The following GABRB3 variants were observed in gnomAD, a reference collection of about 807,000 sequenced individuals.
GABRB3 encodes gamma-aminobutyric acid receptor subunit beta-3.
GABRB3 carries 14 observed loss-of-function variants against 52.1 expected under a neutral mutation model. The ratio of observed to expected loss-of-function variants is 0.27; its 90% CI spans 0.18 to 0.42. The LOEUF (loss-of-function observed/expected upper bound fraction) is 0.42, where lower values mean the gene tolerates loss of function less well. Ranked by LOEUF, GABRB3 falls within the 10% of genes least tolerant of loss-of-function variation. GABRB3 has a pLI of 1.00. For missense variants in GABRB3, 307 were observed against 609.1 expected, an observed-to-expected ratio of 0.50 and a Z score of 5.22; for synonymous variants, 260 against 232.3, an observed-to-expected ratio of 1.12 and a Z score of -1.08.
chr15:26,707,459 C>A (rs1183083361), intron 3 of GABRB3, among the ~76,000 whole-genome samples: 3 of 152,090 alleles, frequency 2.0e-5, no homozygotes, highest in African/African-American at 7.2e-5. Context: ...GATAGAGTCA[C>A]TCAGAGTGAA....
At chr15:26,748,773 C>G (rs562989590) in intron 3 of GABRB3, among the ~76,000 whole-genome samples, 2 of 151,496 alleles carry the variant, frequency 1.3e-5, no homozygotes, top group Non-Finnish European at 2.9e-5. Flanking sequence ...TGCCTGTAAT[C>G]CCAGTACTTT....
Position 26,749,546 on chromosome 15 carries a change from G to A in GABRB3, c.240+22856C>T, listed in dbSNP as rs561267751. On this transcript the variant is annotated intron_variant, in intron 3 of 8. Coordinates refer to ENST00000311550, the MANE Select transcript of GABRB3 (RefSeq NM_000814.6). ...GTCAATCAAATCCTGTTGACTGATG[G>A]TGTCGTTTGGTTCTTCTGTATGTTG... Among the ~76,000 whole-genome samples the A allele has an allele frequency of 2.0e-5, 3 of 152,274 alleles. No individual in the cohort carries two copies. The South Asian group carries it at 6.2e-4, about 32-fold the overall frequency.
At chr15:26,585,869 C>T (rs895975589) in intron 4 of GABRB3, among the ~76,000 whole-genome samples, 3 of 152,196 alleles carry the variant, frequency 2.0e-5, no homozygotes, top group African/African-American at 7.2e-5. Flanking sequence ...GGCAGATTGA[C>T]AACCCAATAA....
intron 8 of GABRB3, among the ~76,000 whole-genome samples, chr15:26,554,207 A>ATATATATATATATATATATATATT (rs1348288306): frequency 3.5e-5 from 2 of 57,808 alleles, no homozygotes; most frequent in South Asian, 6.2e-4. Flanking sequence ...ATATATATAT[A>ATATATATATATATATATATATATT]TAGTAGAAAC....
At chr15:26,650,072 C>G (rs1022385835) in intron 3 of GABRB3, among the ~76,000 whole-genome samples, 2 of 152,100 alleles carry the variant, frequency 1.3e-5, no homozygotes, top group Admixed American at 6.5e-5. Flanking sequence ...CAGCTACCCT[C>G]AGCAGCCCAG....
At chr15:26,587,292 T>C (rs1328461024) in intron 4 of GABRB3, among the ~76,000 whole-genome samples, 2 of 152,202 alleles carry the variant, frequency 1.3e-5, no homozygotes, top group Non-Finnish European at 2.9e-5. Context: ...CTCACTACTT[T>C]TCTTTATTTG....
chr15:26,749,896 G>T, intron 3 of GABRB3: 1 of 152,250 alleles, frequency 6.6e-6, no homozygotes. Context: ...CAAGTCCTGA[G>T]GTTCTCAGGC....
intron 6 of GABRB3, among the ~76,000 whole-genome samples, chr15:26,577,100 T>C (rs1890619947): frequency 6.6e-6 from 1 of 151,892 alleles, no homozygotes; most frequent in Non-Finnish European, 1.5e-5. Context: ...CGGGTACGTG[T>C]GTAATTGGGG....
chr15:26,582,984 A>T (rs1890841891), intron 5 of GABRB3, among the ~76,000 whole-genome samples: 1 of 152,144 alleles, frequency 6.6e-6, no homozygotes, highest in African/African-American at 2.4e-5. Flanking sequence ...ATGGGAAATG[A>T]GTTTTACTCT....
intron 3 of GABRB3, among the ~76,000 whole-genome samples, chr15:26,713,000 C>T (rs946437916): frequency 1.3e-5 from 2 of 152,188 alleles, no homozygotes; most frequent in African/African-American, 4.8e-5. Context: ...AGGTTGCTGG[C>T]CAGAAGCAGC....
chr15:26,554,184 A>ATATATATATATATATACT (rs1889650275), intron 8 of GABRB3, among the ~76,000 whole-genome samples: 1 of 29,548 alleles, frequency 3.4e-5, no homozygotes, highest in Non-Finnish European at 6.2e-5. Flanking sequence ...AAGTATATAT[A>ATATATATATATATATACT]TATATACTAT....
upstream of GABRB3, chr15:26,773,103 AG>A: frequency 3.6e-6 from 3 of 843,604 alleles, no homozygotes; most frequent in East Asian, 1.0e-4. Flanking sequence ...GGAGGGGAGG[AG>A]GGGGAGGAGC....
At chr15:26,611,148 G>C (rs571494453) in intron 4 of GABRB3, among the ~76,000 whole-genome samples, 142 of 152,252 alleles carry the variant, frequency 9.3e-4, no homozygotes, top group African/African-American at 3.3e-3. Flanking sequence ...ATGATAACTA[G>C]TTTTGTATAA....
chr15:26,569,144 C>T (rs1183728999), intron 6 of GABRB3, among the ~76,000 whole-genome samples: 1 of 152,138 alleles, frequency 6.6e-6, no homozygotes, highest in Non-Finnish European at 1.5e-5. Flanking sequence ...ATTCCATGTC[C>T]CTTTCTGTGT....
chr15:26,698,200 T>C (rs754350781), intron 3 of GABRB3, among the ~76,000 whole-genome samples: 10 of 152,206 alleles, frequency 6.6e-5, no homozygotes, highest in Non-Finnish European at 1.5e-4. Context: ...TGGATTGACA[T>C]GAATAACGTC....
At chr15:26,770,274 A>T (rs1891110327) in intron 3 of GABRB3, among the ~76,000 whole-genome samples, 1 of 152,196 alleles carries the variant, frequency 6.6e-6, no homozygotes, top group Admixed American at 6.5e-5. Flanking sequence ...ATTTGTTTAT[A>T]ATAGGTGTGT....
In GABRB3 at chr15:26,606,808, A is replaced by ATAGATATATT. The variant is rs750566618; in HGVS notation, c.461+14505_461+14506insAATATATCTA. Among the ~76,000 whole-genome samples the ATAGATATATT allele has an allele frequency of 1.4e-3, 116 of 84,784 alleles. 4 individuals carry two copies. The highest frequency in any genetic ancestry group is 4.9e-3 in the African/African-American group (112 of 22,630). The allele number at this position is 84,784 out of a possible 152,430, so 55.6% of individuals were successfully genotyped here. A position where few individuals can be genotyped will look rare whatever the true frequency, so the allele number is the denominator to read the frequency against. On this transcript the variant is annotated intron_variant, in intron 4 of 8. Transcript: ENST00000311550. ...TATATCTATAGATAGATATATCTAT[A>ATAGATATATT]GATAGATAGATAGATAGATAGATAG...
intron 3 of GABRB3, among the ~76,000 whole-genome samples, chr15:26,755,733 T>C (rs899571688): frequency 2.0e-5 from 3 of 152,210 alleles, no homozygotes; most frequent in Non-Finnish European, 4.4e-5. Flanking sequence ...GCTACTTGGT[T>C]ACATGGATAA....
intron 3 of GABRB3, among the ~76,000 whole-genome samples, chr15:26,680,513 T>C (rs76905109): frequency 6.6e-6 from 1 of 152,328 alleles, no homozygotes; most frequent in African/African-American, 2.4e-5. Context: ...TCAAGTTCTA[T>C]TGTAGCCAAA....
Sources: gnomAD v4.1 joint callset for allele counts (sites outside exome capture counted in the v4.1 genomes callset) on GRCh38, gnomAD v4.1.1 for gene constraint, MANE v1.5 for transcripts, NCBI Gene and HGNC (gene_info 2026-07-23, HGNC 2026-07-21) for gene names.